Variants in KCND3 observed in about 807,000 individuals in gnomAD.
KCND3 encodes potassium voltage-gated channel subfamily D member 3, also known as A-type voltage-gated potassium channel KCND3.
KCND3 carries 9 observed loss-of-function variants against 51.1 expected under a neutral mutation model. The ratio of observed to expected loss-of-function variants is 0.18; its 90% confidence interval spans 0.11 to 0.31. KCND3 has a LOEUF of 0.31. Ranked by LOEUF, KCND3 falls within the 10% of genes least tolerant of loss-of-function variation. The pLI, the probability that KCND3 is intolerant of heterozygous loss-of-function variation, is 1.00. For missense variants in KCND3, 526 were observed against 903.8 expected (o/e 0.58, Z 5.36); for synonymous variants, 349 against 368.0 (o/e 0.95, Z 0.59).
At chr1:111,877,958 A>G (rs1669125520) in intron 2 of KCND3, among the ~76,000 whole-genome samples, 1 of 152,162 alleles carries the variant, frequency 6.6e-6, no homozygotes, top group Non-Finnish European at 1.5e-5. Flanking sequence ...CATATATATT[A>G]ACTCATCTAA....
intron 2 of KCND3, among the ~76,000 whole-genome samples, chr1:111,920,703 C>A (rs958116965): frequency 1.3e-5 from 2 of 152,218 alleles, no homozygotes; most frequent in Non-Finnish European, 2.9e-5. Context: ...CTCTGCGGGT[C>A]CCCACTCACG....
intron 3 of KCND3, among the ~76,000 whole-genome samples, chr1:111,784,450 C>G (rs1664523857): frequency 6.6e-6 from 1 of 152,182 alleles, no homozygotes; most frequent in South Asian, 2.1e-4. Context: ...ATCTCCAGTT[C>G]ACTTGGCTCA....
chr1:111,881,896 G>A (rs1453627432), intron 2 of KCND3, among the ~76,000 whole-genome samples: 1 of 152,164 alleles, frequency 6.6e-6, no homozygotes, highest in Non-Finnish European at 1.5e-5. Flanking sequence ...AGGTCTACAG[G>A]GCTGGAGCCA....
At position 111,776,053 on chromosome 1, in the gene KCND3, A is replaced by C; in HGVS notation, c.*24T>G. 6.2e-7 allele frequency: 1 copy of C among 1,612,922 alleles called. No homozygotes were observed. Among genetic ancestry groups the C allele is most frequent in the Non-Finnish European group, 8.5e-7 (1 of 1,179,254 alleles). ...CAGTCCCCTTCATTCCCCACTACCC[A>C]CTCTGGCCCTCTGTCCAGTGGTTTT... On this transcript the variant is annotated 3_prime_UTR_variant, in exon 8 of 8. Transcript: ENST00000302127.
chr1:111,935,857 T>C (rs536843689), intron 2 of KCND3, among the ~76,000 whole-genome samples: 28 of 152,300 alleles, frequency 1.8e-4, no homozygotes, highest in East Asian at 7.7e-4. Context: ...TTCCAACTCA[T>C]AGGGAGCACA....
chr1:111,861,246 C>T (rs1347631060), intron 2 of KCND3, among the ~76,000 whole-genome samples: 1 of 152,116 alleles, frequency 6.6e-6, no homozygotes, highest in Non-Finnish European at 1.5e-5. Context: ...GAAAGTTTCC[C>T]AGGAGAGGCC....
At position 111,778,463 on chromosome 1, in the gene KCND3, C is replaced by T. The variant is rs781186926; in HGVS notation, c.1491G>A (p.Leu497=). The T allele has an allele frequency of 1.2e-6, 2 of 1,614,008 alleles. No homozygotes were observed. The highest frequency in any genetic ancestry group is 1.7e-6 in the Non-Finnish European group (2 of 1,179,888). The change falls in exon 6 of 8, where the codon CTG becomes CTA. Residue 497 remains leucine, a synonymous_variant. Transcript: ENST00000302127. ...TGLSYLVDDP[L]LSVRTSTIKN... is the part of the protein sequence containing the mutation. Reference sequence around the variant, plus strand: ...TGATGGTGGAGGTTCGTACAGATAACAGGGGATCATCCACAAGATAGGACA... The same window carrying T: ...TGATGGTGGAGGTTCGTACAGATAATAGGGGATCATCCACAAGATAGGACA...
Position 111,982,207 on chromosome 1 carries a change from C to T in KCND3, c.520G>A (p.Glu174Lys). 2 of 1,614,056 alleles carry T rather than the reference C, an allele frequency of 1.2e-6. No individual in the cohort carries two copies. The highest frequency in any genetic ancestry group is 1.7e-6 in the Non-Finnish European group (2 of 1,180,004). ...SFRQTMWRAF[E>K]NPHTSTLALV... ...GCCAGCGTGCTGGTGTGGGGGTTCT[C>T]GAAGGCCCGCCACATGGTCTGGCGG... The change falls in exon 2 of 8, where the codon GAG becomes AAG. Residue 174 changes from glutamate to lysine, a missense_variant. Physicochemically the swap from Glu to Lys is moderately conservative, Grantham distance 56. This residue lies in a region of KCND3 where 159 missense variants were observed against 262.8 expected (regional missense o/e 0.61). Transcript: ENST00000302127. The surrounding 1 kb of genome is among the most constrained non-coding windows in gnomAD (Gnocchi z 8.5).
intron 2 of KCND3, among the ~76,000 whole-genome samples, chr1:111,892,347 T>C (rs1669871573): frequency 6.6e-6 from 1 of 152,218 alleles, no homozygotes; most frequent in Non-Finnish European, 1.5e-5. Context: ...TTATTGGGCA[T>C]TGCCCTGGAC....
At chr1:111,860,022 C>T (rs973756412) in intron 2 of KCND3, among the ~76,000 whole-genome samples, 5 of 152,158 alleles carry the variant, frequency 3.3e-5, no homozygotes, top group Non-Finnish European at 4.4e-5. Flanking sequence ...CAATCAGGAA[C>T]GATCCTGAGG....
chr1:111,787,205 A>ATTCT (rs1664640722), intron 2 of KCND3, 99 bp from the exon 3 acceptor site: 1 of 1,254,514 alleles, frequency 8.0e-7, no homozygotes. Context: ...TCATTCATTC[A>ATTCT]TTCAGCAATT....
At chr1:111,807,890 A>G (rs1489787487) in intron 2 of KCND3, among the ~76,000 whole-genome samples, 2 of 152,244 alleles carry the variant, frequency 1.3e-5, no homozygotes, top group East Asian at 3.8e-4. Flanking sequence ...TATCAGACAC[A>G]GACCACCATA....
At chr1:111,912,162 C>T (rs17029050) in intron 2 of KCND3, among the ~76,000 whole-genome samples, 13,828 of 152,302 alleles carry the variant, frequency 0.091, 1,003 homozygotes, top group East Asian at 0.4. Flanking sequence ...TTCATGTTCC[C>T]AGGTGAGAAT....
intron 2 of KCND3, among the ~76,000 whole-genome samples, chr1:111,835,523 C>T (rs557111070): frequency 5.3e-5 from 8 of 152,194 alleles, no homozygotes; most frequent in Admixed American, 2.0e-4. Context: ...AAACAGGATG[C>T]GGTAAAGAAG....
intron 2 of KCND3, among the ~76,000 whole-genome samples, chr1:111,960,540 G>A (rs1031808457): frequency 6.6e-6 from 1 of 152,186 alleles, no homozygotes; most frequent in Admixed American, 6.5e-5. Flanking sequence ...AAGAGTGCAA[G>A]AGGACCTCTC....
intron 2 of KCND3, among the ~76,000 whole-genome samples, chr1:111,882,770 T>C (rs1046471454): frequency 6.6e-6 from 1 of 152,184 alleles, no homozygotes; most frequent in East Asian, 1.9e-4. Context: ...GCAGCTGTCA[T>C]AGAGAGGCTG....
At chr1:111,874,482 G>C in intron 2 of KCND3, among the ~76,000 whole-genome samples, 1 of 152,214 alleles carries the variant, frequency 6.6e-6, no homozygotes. Flanking sequence ...GGTCTACCAA[G>C]AGGGCAGATC....
At chr1:111,797,582 G>A (rs1027626223) in intron 2 of KCND3, among the ~76,000 whole-genome samples, 2 of 152,190 alleles carry the variant, frequency 1.3e-5, no homozygotes, top group Non-Finnish European at 2.9e-5. Flanking sequence ...ATGGTCCAAT[G>A]TCACAACACT....
chr1:111,927,415 G>T (rs1051334576), intron 2 of KCND3, among the ~76,000 whole-genome samples: 1 of 152,210 alleles, frequency 6.6e-6, no homozygotes, highest in African/African-American at 2.4e-5. Context: ...GAATGGGCAT[G>T]CCTCCCTCTT....
Sources: allele counts gnomAD v4.1 joint callset (sites outside exome capture counted in the v4.1 genomes callset), GRCh38; gene constraint gnomAD v4.1.1; regional missense constraint gnomAD v4.1.1; non-coding constraint Gnocchi (gnomAD v3.1); transcripts MANE v1.5; gene names NCBI Gene and HGNC (gene_info 2026-07-23, HGNC 2026-07-21).